CAMK2N2: variants seen among roughly 807,000 people sequenced by gnomAD.
CAMK2N2 encodes calcium/calmodulin-dependent protein kinase II inhibitor 2.
Under a neutral mutation model 7.8 loss-of-function variants are expected in CAMK2N2, and 3 were observed. That is an observed-to-expected ratio of 0.38 (90% CI 0.18 to 0.99). The LOEUF (loss-of-function observed/expected upper bound fraction) is 0.99. CAMK2N2 is among the 50% of genes least tolerant of loss of function. CAMK2N2 has a pLI of 0.37. For synonymous variants in CAMK2N2, 45 were observed against 46.6 expected (o/e 0.97, Z 0.14); for missense variants, 85 against 108.4 (o/e 0.78, Z 0.96).
rs771323849 is a variant in CAMK2N2, at chr3:184,260,149, C to G, written c.*8G>C. On this transcript the variant is annotated 3_prime_UTR_variant, in exon 2 of 2. Transcript: ENST00000296238. This position sits in a 1 kb window ranked among gnomAD's most constrained non-coding sequence, Gnocchi z 6.6. ...TGGGCCCGGAGCCCGCCGCCCGAGC[C>G]GGCGCGTCTACACTCCGGACGGCGG... is the stretch of plus-strand genomic sequence containing the variant. 2.6e-6 allele frequency: 4 copies of G among 1,536,104 alleles called. No individual in the cohort carries two copies. In the Admixed American group the frequency reaches 7.2e-5, roughly 28 times the overall value.
chr3:184,260,854 G>A lies in CAMK2N2; in HGVS notation c.169+263C>T, dbSNP rs1397305075. 6.6e-6 allele frequency among the ~76,000 whole-genome samples: 1 copy of A among 152,156 alleles called. No individual in the cohort carries two copies. Among genetic ancestry groups the A allele is most frequent in the Non-Finnish European group, 1.5e-5 (1 of 68,024 alleles). ...ACTTCCGTGCAGCCCCAAATGCCCCGACCGGCCCCTCCCCCTCGCCCGGGT... is the reference window on the plus strand; with the variant it reads ...ACTTCCGTGCAGCCCCAAATGCCCCAACCGGCCCCTCCCCCTCGCCCGGGT... On this transcript the variant is annotated intron_variant, in intron 1 of 1. Coordinates refer to ENST00000296238, the MANE Select transcript of CAMK2N2 (RefSeq NM_033259.3). This position sits in a 1 kb window ranked among gnomAD's most constrained non-coding sequence, Gnocchi z 6.6.
rs1577122605 is a variant in CAMK2N2, at chr3:184,261,473, C to T, written c.-188G>A. ...TCCGCCTCCCGGGCCGCTGGGCAGG[C>T]GGCGGCGGCGGCGGTGGCGGGGACC... On this transcript the variant is annotated 5_prime_UTR_variant, in exon 1 of 2. Coordinates refer to ENST00000296238, the MANE Select transcript of CAMK2N2 (RefSeq NM_033259.3). This position sits in a 1 kb window ranked among gnomAD's most constrained non-coding sequence, Gnocchi z 5.1. The T allele has an allele frequency of 1.3e-5, 2 of 155,632 alleles. No homozygotes were observed. The highest frequency in any genetic ancestry group is 1.2e-5 in the Non-Finnish European group (1 of 85,574). The allele number at this position is 155,632 out of a possible 1,614,324, so 9.6% of individuals were successfully genotyped here.
rs747454452 is a variant in CAMK2N2 at position 184,261,102 on chromosome 3, G to T, written c.169+15C>A. The T allele has an allele frequency of 6.3e-7, 1 of 1,590,554 alleles. No homozygotes were observed. Among genetic ancestry groups the T allele is most frequent in the South Asian group, 1.1e-5 (1 of 88,898 alleles). On this transcript the variant is annotated intron_variant, in intron 1 of 1. Coordinates refer to ENST00000296238, the MANE Select transcript of CAMK2N2 (RefSeq NM_033259.3). The surrounding 1 kb of genome is among the most constrained non-coding windows in gnomAD (Gnocchi z 5.1). ...TTTCTGGGTCAGGCGGCGACTCCGGGCCCGGGCCGCGTACCTCGCTTGGCT... is the reference window on the plus strand; with the variant it reads ...TTTCTGGGTCAGGCGGCGACTCCGGTCCCGGGCCGCGTACCTCGCTTGGCT...
chr3:184,260,982 CCA>C lies in CAMK2N2; in HGVS notation c.169+133_169+134del. On this transcript the variant is annotated intron_variant, in intron 1 of 1. Transcript: ENST00000296238. This position sits in a 1 kb window ranked among gnomAD's most constrained non-coding sequence, Gnocchi z 6.6. ...CACACTGCAGCGGGGACCCCCCCCT[CCA>C]GCCCGGGCTGGAGAGCGGCTGGTGC... is the stretch of plus-strand genomic sequence containing the variant. The C allele has an allele frequency of 1.2e-6, 1 of 837,320 alleles. No homozygotes were observed. Among genetic ancestry groups the C allele is most frequent in the Non-Finnish European group, 1.7e-6 (1 of 597,270 alleles). 51.9% of individuals were successfully genotyped at this position (837,320 alleles called of 1,614,324 possible). A position where few individuals can be genotyped will look rare whatever the true frequency, so the allele number is the denominator to read the frequency against.
chr3:184,260,994 G>A lies in CAMK2N2; in HGVS notation c.169+123C>T. On this transcript the variant is annotated intron_variant, in intron 1 of 1. Coordinates refer to ENST00000296238, the MANE Select transcript of CAMK2N2 (RefSeq NM_033259.3). This position sits in a 1 kb window ranked among gnomAD's most constrained non-coding sequence, Gnocchi z 6.6. The stretch of plus-strand genomic sequence containing the variant: ...GGGACCCCCCCCTCCAGCCCGGGCT[G>A]GAGAGCGGCTGGTGCGCTGGTCTGC... 2 of 1,059,978 alleles carry A rather than the reference G, an allele frequency of 1.9e-6. No homozygotes were observed. The highest frequency in any genetic ancestry group is 2.6e-6 in the Non-Finnish European group (2 of 776,894). 65.7% of individuals were successfully genotyped at this position (1,059,978 alleles called of 1,614,324 possible).
rs1719997923 is a variant in CAMK2N2 at position 184,260,332 on chromosome 3, C to T, written c.170-105G>A. 16 of 1,061,144 alleles carry T rather than the reference C, an allele frequency of 1.5e-5. No homozygotes were observed. The Admixed American group carries it at 2.9e-4, about 19-fold the overall frequency. The allele number at this position is 1,061,144 out of a possible 1,614,324, so 65.7% of individuals were successfully genotyped here. A position where few individuals can be genotyped will look rare whatever the true frequency, so the allele number is the denominator to read the frequency against. ...CGCGCAGCTACTGCCCGTGGCCCAG[C>T]GACGCCCCTCGGAACCCTGTGCCGC... On this transcript the variant is annotated intron_variant, in intron 1 of 1. Transcript: ENST00000296238. The surrounding 1 kb of genome is among the most constrained non-coding windows in gnomAD (Gnocchi z 6.6).
In CAMK2N2 at chr3:184,260,040, A is replaced by T; in HGVS notation, c.*117T>A. On this transcript the variant is annotated 3_prime_UTR_variant, in exon 2 of 2. Coordinates refer to ENST00000296238, the MANE Select transcript of CAMK2N2 (RefSeq NM_033259.3). The surrounding 1 kb of genome is among the most constrained non-coding windows in gnomAD (Gnocchi z 6.6). Reference sequence around the variant, plus strand: ...GGCGGCGGCGGCGGCACGGCCCTGCAGCCCCCGCCCGCGGGCGCCTGGGCC... The same window carrying T: ...GGCGGCGGCGGCGGCACGGCCCTGCTGCCCCCGCCCGCGGGCGCCTGGGCC... The T allele has an allele frequency of 8.6e-6, 3 of 350,552 alleles. No homozygotes were observed. Among genetic ancestry groups the T allele is most frequent in the Non-Finnish European group, 1.2e-5 (3 of 255,984 alleles). The allele number at this position is 350,552 out of a possible 1,614,324, so 21.7% of individuals were successfully genotyped here.
Position 184,261,339 on chromosome 3 carries a change from G to A in CAMK2N2, c.-54C>T. On this transcript the variant is annotated 5_prime_UTR_variant, in exon 1 of 2. Transcript: ENST00000296238. The surrounding 1 kb of genome is among the most constrained non-coding windows in gnomAD (Gnocchi z 5.1). Reference sequence around the variant, plus strand: ...AGCGGGACTGCGGCGGGGCGCGGGCGGCGGGCTTGCTGCCGGACCGGCCCT... The same window carrying A: ...AGCGGGACTGCGGCGGGGCGCGGGCAGCGGGCTTGCTGCCGGACCGGCCCT... 1.5e-6 allele frequency: 2 copies of A among 1,347,572 alleles called. No homozygotes were observed. The highest frequency in any genetic ancestry group is 1.9e-6 in the Non-Finnish European group (2 of 1,054,126). 83.5% of individuals were successfully genotyped at this position (1,347,572 alleles called of 1,614,324 possible).
rs1394488248 is a variant in CAMK2N2, at chr3:184,260,495, G to A, written c.170-268C>T. 6.6e-6 allele frequency among the ~76,000 whole-genome samples: 1 copy of A among 152,134 alleles called. No homozygotes were observed. The highest frequency in any genetic ancestry group is 1.9e-4 in the East Asian group (1 of 5,174). ...CCCAGTGCGAGCCCTCCTGCCACCT[G>A]AGCCTTCCTCCCTCTGAGTTGATCA... On this transcript the variant is annotated intron_variant, in intron 1 of 1. Transcript: ENST00000296238. The surrounding 1 kb of genome is among the most constrained non-coding windows in gnomAD (Gnocchi z 6.6).
Position 184,260,823 on chromosome 3 carries a change from G to A in CAMK2N2, c.169+294C>T, listed in dbSNP as rs1396950002. Among the ~76,000 whole-genome samples the A allele has an allele frequency of 6.6e-6, 1 of 152,222 alleles. No individual in the cohort carries two copies. Among genetic ancestry groups the A allele is most frequent in the Non-Finnish European group, 1.5e-5 (1 of 68,038 alleles). On this transcript the variant is annotated intron_variant, in intron 1 of 1. Transcript: ENST00000296238. The surrounding 1 kb of genome is among the most constrained non-coding windows in gnomAD (Gnocchi z 6.6). ...CCAAAGAATCAGCCCGTTACCCCGT[G>A]CTCCCACTTCCGTGCAGCCCCAAAT...
rs1359823704 is a variant in CAMK2N2 at position 184,260,163 on chromosome 3, T to A, written c.234A>T (p.Gly78=). The part of the protein sequence containing the change: ...LKGMGEKPPS[G]V ...GCCGCCCGAGCCGGCGCGTCTACACTCCGGACGGCGGCTTCTCCCCCATCC... is the reference window on the plus strand; with the variant it reads ...GCCGCCCGAGCCGGCGCGTCTACACACCGGACGGCGGCTTCTCCCCCATCC... The change falls in exon 2 of 2, where the codon GGA becomes GGT. Residue 78 remains glycine (G), a synonymous_variant. Transcript: ENST00000296238. This position sits in a 1 kb window ranked among gnomAD's most constrained non-coding sequence, Gnocchi z 6.6. 1 of 1,597,626 alleles carries A rather than the reference T, an allele frequency of 6.3e-7. No homozygotes were observed. The highest frequency in any genetic ancestry group is 1.1e-5 in the South Asian group (1 of 90,048).
Position 184,260,292 on chromosome 3 carries a change from C to T in CAMK2N2, c.170-65G>A, listed in dbSNP as rs1719995373. ...GGGCGGCGGCGATGAGAATGAGCCC[C>T]GCGTCCTAGCTTCCCGCGCAGCTAC... is the stretch of plus-strand genomic sequence containing the variant. On this transcript the variant is annotated intron_variant, in intron 1 of 1. Transcript: ENST00000296238. The surrounding 1 kb of genome is among the most constrained non-coding windows in gnomAD (Gnocchi z 6.6). 1 of 1,488,382 alleles carries T rather than the reference C, an allele frequency of 6.7e-7. No individual in the cohort carries two copies. Among genetic ancestry groups the T allele is most frequent in the East Asian group, 2.3e-5 (1 of 42,866 alleles). 92.2% of individuals were successfully genotyped at this position (1,488,382 alleles called of 1,614,324 possible).
chr3:184,260,077 G>A lies in CAMK2N2; in HGVS notation c.*80C>T. The A allele has an allele frequency of 2.5e-6, 2 of 807,560 alleles. No homozygotes were observed. Among genetic ancestry groups the A allele is most frequent in the Non-Finnish European group, 1.5e-6 (1 of 668,636 alleles). 50.0% of individuals were successfully genotyped at this position (807,560 alleles called of 1,614,324 possible). On this transcript the variant is annotated 3_prime_UTR_variant, in exon 2 of 2. Transcript: ENST00000296238. The surrounding 1 kb of genome is among the most constrained non-coding windows in gnomAD (Gnocchi z 6.6). The stretch of plus-strand genomic sequence containing the variant: ...CGGGCGCCTGGGCCGGGGCGGGGGG[G>A]CGCCGGCAGCCGCATCGCCGGCCCG...
rs1208609873 is a variant in CAMK2N2 at position 184,260,143 on chromosome 3, C to T, written c.*14G>A. On this transcript the variant is annotated 3_prime_UTR_variant, in exon 2 of 2. Transcript: ENST00000296238. This position sits in a 1 kb window ranked among gnomAD's most constrained non-coding sequence, Gnocchi z 6.6. The stretch of plus-strand genomic sequence containing the variant: ...CGAGGCTGGGCCCGGAGCCCGCCGC[C>T]CGAGCCGGCGCGTCTACACTCCGGA... 5.9e-6 allele frequency: 9 copies of T among 1,523,426 alleles called. No individual in the cohort carries two copies. Among genetic ancestry groups the T allele is most frequent in the Non-Finnish European group, 6.2e-6 (7 of 1,130,414 alleles). 94.4% of individuals were successfully genotyped at this position (1,523,426 alleles called of 1,614,324 possible).
chr3:184,261,153 G>T lies in CAMK2N2; in HGVS notation c.133C>A (p.Pro45Thr). The part of the protein sequence containing the change: ...SFFAGNQAKR[P>T]PKLGQIGRAK... Reference sequence around the variant, plus strand: ...CGGCCGATCTGGCCCAGCTTGGGGGGTCGCTTGGCCTGGTTGCCCGCGAAG... The same window carrying T: ...CGGCCGATCTGGCCCAGCTTGGGGGTTCGCTTGGCCTGGTTGCCCGCGAAG... The change falls in exon 1 of 2, where the codon CCC becomes ACC. Residue 45 changes from proline (P) to threonine (T), a missense_variant. Transcript: ENST00000296238. The surrounding 1 kb of genome is among the most constrained non-coding windows in gnomAD (Gnocchi z 5.1). 6.2e-7 allele frequency: 1 copy of T among 1,606,674 alleles called. No individual in the cohort carries two copies. The highest frequency in any genetic ancestry group is 8.5e-7 in the Non-Finnish European group (1 of 1,177,482).
Position 184,260,359 on chromosome 3 carries a change from G to C in CAMK2N2, c.170-132C>G. ...ACGCCCCTCGGAACCCTGTGCCGCGGTGTCCTCCCCGTCCGAACTCTTCTG... is the reference window on the plus strand; with the variant it reads ...ACGCCCCTCGGAACCCTGTGCCGCGCTGTCCTCCCCGTCCGAACTCTTCTG... On this transcript the variant is annotated intron_variant, in intron 1 of 1. Transcript: ENST00000296238. This position sits in a 1 kb window ranked among gnomAD's most constrained non-coding sequence, Gnocchi z 6.6. 2 of 755,958 alleles carry C rather than the reference G, an allele frequency of 2.6e-6. No individual in the cohort carries two copies. The highest frequency in any genetic ancestry group is 4.1e-6 in the Non-Finnish European group (2 of 484,248). The allele number at this position is 755,958 out of a possible 1,614,324, so 46.8% of individuals were successfully genotyped here.
In CAMK2N2 at chr3:184,260,283, A is replaced by C. The variant is rs1719994721; in HGVS notation, c.170-56T>G. On this transcript the variant is annotated intron_variant, in intron 1 of 1. Transcript: ENST00000296238. This position sits in a 1 kb window ranked among gnomAD's most constrained non-coding sequence, Gnocchi z 6.6. ...GGCCTCGGGGGGCGGCGGCGATGAGAATGAGCCCCGCGTCCTAGCTTCCCG... is the reference window on the plus strand; with the variant it reads ...GGCCTCGGGGGGCGGCGGCGATGAGCATGAGCCCCGCGTCCTAGCTTCCCG... 3 of 1,535,246 alleles carry C rather than the reference A, an allele frequency of 2.0e-6. No individual in the cohort carries two copies. The African/African-American group carries it at 4.1e-5, about 21-fold the overall frequency.
In CAMK2N2 at chr3:184,260,540, A is replaced by G. The variant is rs1337879132; in HGVS notation, c.170-313T>C. 6.6e-6 allele frequency among the ~76,000 whole-genome samples: 1 copy of G among 152,116 alleles called. No individual in the cohort carries two copies. The highest frequency in any genetic ancestry group is 1.5e-5 in the Non-Finnish European group (1 of 68,010). On this transcript the variant is annotated intron_variant, in intron 1 of 1. Coordinates refer to ENST00000296238, the MANE Select transcript of CAMK2N2 (RefSeq NM_033259.3). This position sits in a 1 kb window ranked among gnomAD's most constrained non-coding sequence, Gnocchi z 6.6. ...TGATCAGAAACCTCTTGCTCACGGA[A>G]TCCCCCTCTTCAACCCGCACTTCAA...
At position 184,260,974 on chromosome 3, in the gene CAMK2N2, C is replaced by A; in HGVS notation, c.169+143G>T. ...GGGGGACACACACTGCAGCGGGGAC[C>A]CCCCCCTCCAGCCCGGGCTGGAGAG... On this transcript the variant is annotated intron_variant, in intron 1 of 1. Coordinates refer to ENST00000296238, the MANE Select transcript of CAMK2N2 (RefSeq NM_033259.3). The surrounding 1 kb of genome is among the most constrained non-coding windows in gnomAD (Gnocchi z 6.6). The A allele has an allele frequency of 3.6e-6, 3 of 843,534 alleles. No individual in the cohort carries two copies. The highest frequency in any genetic ancestry group is 1.9e-5 in the South Asian group (1 of 51,536). The allele number at this position is 843,534 out of a possible 1,614,324, so 52.3% of individuals were successfully genotyped here.
Sources: gnomAD v4.1 joint callset for allele counts (sites outside exome capture counted in the v4.1 genomes callset) on GRCh38, gnomAD v4.1.1 for gene constraint, Gnocchi (gnomAD v3.1) non-coding constraint, MANE v1.5 for transcripts, NCBI Gene and HGNC (gene_info 2026-07-23, HGNC 2026-07-21) for gene names.